The following INPP4B variants were observed in gnomAD, a reference collection of about 807,000 sequenced individuals.
INPP4B encodes inositol polyphosphate-4-phosphatase type II B, also known as inositol polyphosphate 4-phosphatase type II.
A neutral mutation model predicts 122.5 loss-of-function variants in INPP4B; 55 were observed. The observed-to-expected ratio is 0.45, with a 90% CI of 0.36 to 0.56. The LOEUF (loss-of-function observed/expected upper bound fraction) is 0.56, where lower values mean the gene tolerates loss of function less well. INPP4B is among the 20% of genes least tolerant of loss of function. The pLI, the probability that INPP4B is intolerant of heterozygous loss-of-function variation, is 0.00. For missense variants in INPP4B, 1,000 were observed against 1,097.7 expected (o/e 0.91, Z 1.26); for synonymous variants, 403 against 388.7 (o/e 1.04, Z -0.43).
intron 25 of INPP4B, among the ~76,000 whole-genome samples, chr4:142,072,105 A>T (rs990747766): frequency 6.6e-6 from 1 of 152,210 alleles, no homozygotes; most frequent in Admixed American, 6.5e-5. Flanking sequence ...CATCAATGAT[A>T]GACTGGATTA....
chr4:142,803,178 AAAAAAAAAGAAAG>A (rs1778236923), intron 1 of INPP4B, among the ~76,000 whole-genome samples: 1 of 148,292 alleles, frequency 6.7e-6, no homozygotes, highest in South Asian at 2.2e-4. Flanking sequence ...TCTCAAAAAA[AAAAAAAAAGAAAG>A]AAAGAAAGAA....
rs77096547 is a variant in INPP4B at position 142,187,129 on chromosome 4, A to G, written c.1181+5958T>C. 5.1e-3 allele frequency among the ~76,000 whole-genome samples: 779 copies of G among 152,292 alleles called. 10 individuals are homozygous for G. The highest frequency in any genetic ancestry group is 0.018 in the African/African-American group (739 of 41,554). On this transcript the variant is annotated intron_variant, in intron 15 of 25. Transcript: ENST00000262992. ...CCCAAGGAATCAAATTATAATCAAA[A>G]GAAAAACTTTAATTACCATCTCCTT...
intron 23 of INPP4B, among the ~76,000 whole-genome samples, chr4:142,098,097 T>A (rs915652975): frequency 2.0e-5 from 3 of 151,974 alleles, no homozygotes; most frequent in African/African-American, 7.2e-5. Context: ...GAAAGTGACA[T>A]TTAGGCAAAG....
intron 2 of INPP4B, among the ~76,000 whole-genome samples, chr4:142,723,601 C>T (rs1764966768): frequency 6.6e-6 from 1 of 152,094 alleles, no homozygotes; most frequent in Non-Finnish European, 1.5e-5. Context: ...GGTATCTGCA[C>T]ACATAAAAGT....
At chr4:142,371,207 A>ATAT (rs1278308169) in intron 7 of INPP4B, among the ~76,000 whole-genome samples, 1 of 150,052 alleles carries the variant, frequency 6.7e-6, no homozygotes, top group Non-Finnish European at 1.5e-5. Context: ...GTGCTGGGAG[A>ATAT]CCCAGATATC....
intron 10 of INPP4B, among the ~76,000 whole-genome samples, chr4:142,263,773 G>C (rs1438058875): frequency 2.7e-5 from 4 of 149,394 alleles, no homozygotes; most frequent in Non-Finnish European, 5.9e-5. Context: ...AGATAGGGTT[G>C]CAGGAAAGGC....
intron 2 of INPP4B, among the ~76,000 whole-genome samples, chr4:142,480,825 C>T (rs1247577080): frequency 2.6e-5 from 4 of 151,984 alleles, no homozygotes; most frequent in East Asian, 3.9e-4. Flanking sequence ...GGATCCAAGA[C>T]GAAAGTAGTT....
intron 25 of INPP4B, among the ~76,000 whole-genome samples, chr4:142,048,130 G>A (rs1335920156): frequency 6.6e-6 from 1 of 152,094 alleles, no homozygotes; most frequent in African/African-American, 2.4e-5. Context: ...AAAACTCAGA[G>A]ATATTAGGTA....
intron 7 of INPP4B, among the ~76,000 whole-genome samples, chr4:142,366,403 T>C (rs1455617878): frequency 2.0e-4 from 30 of 151,942 alleles, no homozygotes; most frequent in Admixed American, 2.0e-3. Context: ...TATTAAAGAA[T>C]AAATGGCTCT....
chr4:142,730,838 C>T (rs1765976152), intron 1 of INPP4B, among the ~76,000 whole-genome samples: 1 of 152,136 alleles, frequency 6.6e-6, no homozygotes, highest in Non-Finnish European at 1.5e-5. Context: ...GACACAATTG[C>T]TATCTATTAA....
intron 7 of INPP4B, among the ~76,000 whole-genome samples, chr4:142,394,840 G>A (rs1398506711): frequency 1.3e-5 from 2 of 151,890 alleles, no homozygotes; most frequent in African/African-American, 4.8e-5. Flanking sequence ...TTTTGTTTTT[G>A]TTGCCTATTT....
At chr4:142,111,829 C>T (rs186559021) in intron 22 of INPP4B, among the ~76,000 whole-genome samples, 153 of 152,218 alleles carry the variant, frequency 1.0e-3, no homozygotes, top group African/African-American at 3.5e-3. Flanking sequence ...ACACAACCTC[C>T]ATCTCCCGAG....
intron 2 of INPP4B, among the ~76,000 whole-genome samples, chr4:142,467,365 C>A (rs543887096): frequency 1.3e-5 from 2 of 152,282 alleles, no homozygotes; most frequent in Admixed American, 1.3e-4. Flanking sequence ...GACATGAGGT[C>A]AAAGGAGATT....
chr4:142,698,793 G>A (rs765314247), intron 2 of INPP4B, among the ~76,000 whole-genome samples: 14 of 152,160 alleles, frequency 9.2e-5, no homozygotes, highest in African/African-American at 2.2e-4. Context: ...ATGCATATCC[G>A]TGTTCTTAGC....
chr4:142,176,984 TAA>T (rs1335272753), intron 15 of INPP4B, among the ~76,000 whole-genome samples: 1 of 152,198 alleles, frequency 6.6e-6, no homozygotes, highest in African/African-American at 2.4e-5. Context: ...TTTGCTCTCC[TAA>T]CCTTTTTCAT....
At chr4:142,241,498 T>C (rs1050481794) in intron 11 of INPP4B, among the ~76,000 whole-genome samples, 1 of 152,170 alleles carries the variant, frequency 6.6e-6, no homozygotes, top group African/African-American at 2.4e-5. Context: ...AATTTCTATA[T>C]TGTTTCTCCC....
At chr4:142,811,547 A>G (rs2151124131) in intron 1 of INPP4B, among the ~76,000 whole-genome samples, 1 of 152,344 alleles carries the variant, frequency 6.6e-6, no homozygotes, top group East Asian at 1.9e-4. Flanking sequence ...GCTTCCCAGA[A>G]ATAGTATATC....
At chr4:142,759,178 G>A (rs1770931540) in intron 1 of INPP4B, among the ~76,000 whole-genome samples, 3 of 152,126 alleles carry the variant, frequency 2.0e-5, no homozygotes, top group Non-Finnish European at 4.4e-5. Flanking sequence ...GTATGTAGAA[G>A]AGAAAGCACT....
chr4:142,112,482 A>T, intron 22 of INPP4B, 60 bp downstream of exon 22: 4 of 1,572,222 alleles, frequency 2.5e-6, no homozygotes, highest in Non-Finnish European at 8.7e-7. Context: ...GGGACTTCTC[A>T]TCATATGCTT....
Sources: allele counts gnomAD v4.1 joint callset (sites outside exome capture counted in the v4.1 genomes callset), GRCh38; gene constraint gnomAD v4.1.1; transcripts MANE v1.5; gene names NCBI Gene and HGNC (gene_info 2026-07-23, HGNC 2026-07-21).